KIF26B: variants seen among roughly 807,000 people sequenced by gnomAD.
The protein encoded by KIF26B is kinesin-like protein KIF26B.
KIF26B carries 63 observed loss-of-function variants against 151.2 expected under a neutral mutation model. The ratio of observed to expected loss-of-function variants is 0.42; its 90% CI spans 0.34 to 0.51. The LOEUF (loss-of-function observed/expected upper bound fraction) is 0.51, where lower values mean the gene tolerates loss of function less well. Among genes scored for constraint, KIF26B ranks in the 20% least tolerant of loss-of-function variants. The probability of loss-of-function intolerance (pLI) is 0.07; values close to 1 mark genes in which losing one functional copy is unlikely to be tolerated. For synonymous variants in KIF26B, 1,357 were observed against 1,262.1 expected, an observed-to-expected ratio of 1.08 and a Z score of -1.59; for missense variants, 2,813 against 2,913.6, an observed-to-expected ratio of 0.97 and a Z score of 0.79.
intron 2 of KIF26B, among the ~76,000 whole-genome samples, chr1:245,174,665 C>T (rs1165349628): frequency 6.6e-6 from 1 of 152,136 alleles, no homozygotes; most frequent in Non-Finnish European, 1.5e-5. Flanking sequence ...TGCCACCACA[C>T]CTGGCCCCTC....
intron 5 of KIF26B, among the ~76,000 whole-genome samples, chr1:245,541,440 C>T (rs1293145943): frequency 2.0e-5 from 3 of 152,182 alleles, no homozygotes; most frequent in African/African-American, 7.2e-5. Context: ...CCAACAAGTG[C>T]GATTTCGAAT....
At chr1:245,608,937 A>G (rs1391249697) in intron 7 of KIF26B, among the ~76,000 whole-genome samples, 1 of 151,990 alleles carries the variant, frequency 6.6e-6, no homozygotes, top group African/African-American at 2.4e-5. Flanking sequence ...AATTTTTCAT[A>G]GAGGCAGGGT....
rs745617916 is a variant in KIF26B, at chr1:245,688,154, C to T, written c.5171C>T (p.Ser1724Leu). The change falls in exon 12 of 15, where the codon TCG becomes TTG. Residue 1724 changes from serine (S) to leucine (L), a missense_variant. Ser to Leu is a moderately radical substitution (Grantham distance 145). Around this residue, in one of 3 missense-constraint regions of KIF26B, gnomAD observed 2,060 missense variants for 2,088.6 expected, o/e 0.99. Coordinates refer to ENST00000407071, the MANE Select transcript of KIF26B (RefSeq NM_018012.4). ...ACCTCGCCCCCCAGCTCCGGGGCCTCGCCCAAGGCCGGCCAGTCCAAGATC... is the reference window on the plus strand; with the variant it reads ...ACCTCGCCCCCCAGCTCCGGGGCCTTGCCCAAGGCCGGCCAGTCCAAGATC... ...AGTSPPSSGA[S>L]PKAGQSKISA... 2.5e-6 allele frequency: 4 copies of T among 1,595,616 alleles called. No individual in the cohort carries two copies. The highest frequency in any genetic ancestry group is 2.2e-5 in the East Asian group (1 of 44,650).
chr1:245,539,855 G>A (rs183823811), intron 4 of KIF26B, among the ~76,000 whole-genome samples: 3 of 152,216 alleles, frequency 2.0e-5, no homozygotes, highest in African/African-American at 4.8e-5. Flanking sequence ...GTTTCTCCAT[G>A]TTGGCCAGGC....
intron 2 of KIF26B, among the ~76,000 whole-genome samples, chr1:245,202,720 G>C (rs534970101): frequency 7.1e-6 from 1 of 141,148 alleles, no homozygotes; most frequent in Admixed American, 7.4e-5. Flanking sequence ...AGATCGCGCT[G>C]CTGCACTCCA....
chr1:245,532,248 C>CT (rs74163062), intron 4 of KIF26B, among the ~76,000 whole-genome samples: 61,194 of 120,978 alleles, frequency 0.51, 16,807 homozygotes, highest in Middle Eastern at 0.71. Context: ...CTTTTCTTTT[C>CT]TTTTTTTTTT....
intron 2 of KIF26B, among the ~76,000 whole-genome samples, chr1:245,165,128 T>C (rs1256385266): frequency 6.6e-6 from 1 of 151,238 alleles, no homozygotes; most frequent in East Asian, 2.0e-4. Flanking sequence ...GGAAGAGTGG[T>C]GTCACCGAGA....
chr1:245,261,441 C>CGCTT (rs376655378), intron 2 of KIF26B, among the ~76,000 whole-genome samples: 2 of 151,050 alleles, frequency 1.3e-5, no homozygotes, highest in South Asian at 4.2e-4. Context: ...TGTTCGCGCT[C>CGCTT]GCTTGCTTGC....
intron 10 of KIF26B, among the ~76,000 whole-genome samples, chr1:245,680,822 C>T (rs151246417): frequency 8.3e-4 from 127 of 152,348 alleles, no homozygotes; most frequent in Middle Eastern, 6.8e-3. Flanking sequence ...GCCAGATGCA[C>T]GCGTTCCCCG....
intron 3 of KIF26B, among the ~76,000 whole-genome samples, chr1:245,393,187 A>G (rs1673742811): frequency 6.6e-6 from 1 of 152,142 alleles, no homozygotes; most frequent in Admixed American, 6.5e-5. Flanking sequence ...AAGAAAAAAA[A>G]AATTTGTCTT....
chr1:245,500,707 G>A (rs772162294), intron 4 of KIF26B, among the ~76,000 whole-genome samples: 3 of 152,196 alleles, frequency 2.0e-5, no homozygotes, highest in Non-Finnish European at 4.4e-5. Flanking sequence ...GCTGGGCCCC[G>A]GCCAACTAGA....
At chr1:245,306,645 C>T (rs1340577201) in intron 2 of KIF26B, among the ~76,000 whole-genome samples, 1 of 152,064 alleles carries the variant, frequency 6.6e-6, no homozygotes, top group Non-Finnish European at 1.5e-5. Flanking sequence ...ATATGGAATC[C>T]TCCCCACCCC....
At chr1:245,682,263 A>G (rs1053129115) in intron 10 of KIF26B, among the ~76,000 whole-genome samples, 10 of 152,254 alleles carry the variant, frequency 6.6e-5, no homozygotes, top group African/African-American at 1.7e-4. Context: ...AAGAAAGAAA[A>G]AAAAAGTCAT....
chr1:245,688,817 T>C lies in KIF26B; in HGVS notation c.5824+10T>C, dbSNP rs372155595. The C allele has an allele frequency of 6.5e-5, 102 of 1,560,176 alleles. No individual in the cohort carries two copies. In the African/African-American group the frequency reaches 9.8e-4, roughly 15 times the overall value. On this transcript the variant is annotated intron_variant, in intron 12 of 14. Transcript: ENST00000407071. ...AAACGCTCCAATCCAGGTAGGCGGC[T>C]GGGCGCAGGGACGCGGGTGAGGAGG...
At chr1:245,683,693 G>A (rs545549404) in intron 10 of KIF26B, among the ~76,000 whole-genome samples, 5 of 152,326 alleles carry the variant, frequency 3.3e-5, no homozygotes, top group East Asian at 1.9e-4. Context: ...GCTACTAGGT[G>A]CAAATATGCG....
rs1294790999 is a variant in KIF26B, at chr1:245,593,703, G to A, written c.1351-8874G>A. Among the ~76,000 whole-genome samples, 9 of 152,216 alleles carry A rather than the reference G, an allele frequency of 5.9e-5. No homozygotes were observed. The East Asian group carries it at 1.7e-3, about 29-fold the overall frequency. On this transcript the variant is annotated intron_variant, in intron 5 of 14. Transcript: ENST00000407071. Reference sequence around the variant, plus strand: ...TATATACCCAGTAATGGGATTGCTGGGTCAAATGGTATTTCTGGTTCTAGA... The same window carrying A: ...TATATACCCAGTAATGGGATTGCTGAGTCAAATGGTATTTCTGGTTCTAGA...
At chr1:245,577,819 C>T (rs188505340) in intron 5 of KIF26B, among the ~76,000 whole-genome samples, 11,062 of 143,692 alleles carry the variant, frequency 0.077, 458 homozygotes, top group Middle Eastern at 0.14. Context: ...GAACTCCGGG[C>T]GATGCATCTC....
In KIF26B at chr1:245,156,529, C is replaced by T. The variant is rs1296135282; in HGVS notation, c.311C>T (p.Pro104Leu). The change falls in exon 2 of 15, where the codon CCG (proline) becomes CTG (leucine). Residue 104 changes from proline (P) to leucine (L), a missense_variant. Physicochemically the swap from Pro to Leu is moderately conservative, Grantham distance 98 (BLOSUM62 -3). This residue lies in a region of KIF26B where 676 missense variants were observed against 688.1 expected (regional missense o/e 0.98). Coordinates refer to ENST00000407071, the MANE Select transcript of KIF26B (RefSeq NM_018012.4). ...TCGCCGGGCTCCTTGGGCGGCTCTC[C>T]GGGCTTCGGCACAGGCTCCCCGGGC... ...TSSPGSLGGS[P>L]GFGTGSPGSG... The T allele has an allele frequency of 1.3e-6, 2 of 1,535,136 alleles. No individual in the cohort carries two copies. The highest frequency in any genetic ancestry group is 1.9e-5 in the Admixed American group (1 of 52,482).
intron 2 of KIF26B, among the ~76,000 whole-genome samples, chr1:245,190,991 G>A (rs1167812485): frequency 4.2e-5 from 6 of 144,420 alleles, no homozygotes; most frequent in East Asian, 2.1e-4. Flanking sequence ...CCTGGGAGGC[G>A]GAGGTTGCAA....
Sources: allele counts gnomAD v4.1 joint callset (sites outside exome capture counted in the v4.1 genomes callset), GRCh38; gene constraint gnomAD v4.1.1; regional missense constraint gnomAD v4.1.1; transcripts MANE v1.5; gene names NCBI Gene and HGNC (gene_info 2026-07-23, HGNC 2026-07-21).